The following SEMA4B variants were observed in gnomAD, a reference collection of about 807,000 sequenced individuals.
The protein encoded by SEMA4B is semaphorin 4B.
Under a neutral mutation model 88.1 loss-of-function variants are expected in SEMA4B, and 55 were observed. The observed-to-expected ratio is 0.62, with a 90% CI of 0.50 to 0.78. The LOEUF (loss-of-function observed/expected upper bound fraction) is 0.78. SEMA4B is among the 30% of genes least tolerant of loss of function. SEMA4B has a pLI of 0.00. For synonymous variants in SEMA4B, 525 were observed against 473.6 expected, an observed-to-expected ratio of 1.11 and a Z score of -1.41; for missense variants, 1,062 against 1,111.9, an observed-to-expected ratio of 0.96 and a Z score of 0.64.
intron 1 of SEMA4B, among the ~76,000 whole-genome samples, chr15:90,213,403 C>G (rs1170452440): frequency 3.3e-5 from 5 of 152,236 alleles, no homozygotes; most frequent in South Asian, 2.1e-4. Context: ...CCCTTCACCC[C>G]CCTCTCCAAG....
chr15:90,218,051 C>T, intron 3 of SEMA4B: 1 of 506,340 alleles, frequency 2.0e-6, no homozygotes, highest in South Asian at 2.1e-5. Flanking sequence ...GTGGGCCCAC[C>T]TGTAAAATGG....
intron 1 of SEMA4B, among the ~76,000 whole-genome samples, chr15:90,190,103 G>T (rs546184938): frequency 9.8e-5 from 15 of 152,342 alleles, no homozygotes; most frequent in African/African-American, 3.6e-4. Context: ...AGTCCCTGGT[G>T]TGGTGCCCAC....
rs1962356240 is a variant in SEMA4B at position 90,228,946 on chromosome 15, CT to C, written c.*304del. 2.0e-6 allele frequency: 1 copy of C among 488,984 alleles called. No individual in the cohort carries two copies. The highest frequency in any genetic ancestry group is 2.0e-5 in the African/African-American group (1 of 51,240). 30.3% of individuals were successfully genotyped at this position (488,984 alleles called of 1,614,324 possible). On this transcript the variant is annotated 3_prime_UTR_variant, in exon 14 of 14. Coordinates refer to ENST00000411539, the MANE Select transcript of SEMA4B (RefSeq NM_198925.4). ...TTAAAAAACAATTCCAAATGTGAAA[CT>C]AGAATGAGAGGGAAGAGATAGCATG...
intron 1 of SEMA4B, among the ~76,000 whole-genome samples, chr15:90,202,187 A>G (rs891154252): frequency 2.0e-5 from 3 of 152,234 alleles, no homozygotes; most frequent in African/African-American, 7.2e-5. Flanking sequence ...GTGGGCGGGC[A>G]GGCGCCCGAT....
At chr15:90,197,052 ACC>A (rs1953830829), upstream of SEMA4B, among the ~76,000 whole-genome samples, 1 of 151,876 alleles carries the variant, frequency 6.6e-6, no homozygotes, top group Non-Finnish European at 1.5e-5. Context: ...CCTTACATTC[ACC>A]CAAAGAATCT....
intron 1 of SEMA4B, chr15:90,217,202 G>A (rs1219215999): frequency 2.2e-5 from 9 of 412,722 alleles, no homozygotes; most frequent in Non-Finnish European, 3.9e-5. Flanking sequence ...TTAATGTGAA[G>A]GGTGCCGTAG....
upstream of SEMA4B, among the ~76,000 whole-genome samples, chr15:90,197,748 A>G (rs1473468202): frequency 6.6e-6 from 1 of 150,528 alleles, no homozygotes. Flanking sequence ...TGCTCACCCA[A>G]TATTTTTATC....
Position 90,228,711 on chromosome 15 carries a change from C to T in SEMA4B, c.*68C>T. 6.3e-7 allele frequency: 1 copy of T among 1,588,216 alleles called. No homozygotes were observed. The highest frequency in any genetic ancestry group is 1.1e-5 in the South Asian group (1 of 89,526). ...GAATGCTCGGAGAGGGTCAACTGGA[C>T]CTCCCCTCCGCTCTGCTCTTCGTGG... is the stretch of plus-strand genomic sequence containing the variant. On this transcript the variant is annotated 3_prime_UTR_variant, in exon 14 of 14. Coordinates refer to ENST00000411539, the MANE Select transcript of SEMA4B (RefSeq NM_198925.4).
intron 13 of SEMA4B, 22 bp downstream of exon 13, chr15:90,227,664 TGGA>T (rs1567064005): frequency 2.6e-5 from 42 of 1,612,000 alleles, no homozygotes; most frequent in Non-Finnish European, 3.4e-5. Context: ...CCTCAAAAGG[TGGA>T]GGAGAGAGGT....
chr15:90,227,817 CA>C, intron 13 of SEMA4B, 86 bp from the exon 14 acceptor site: 1 of 1,577,058 alleles, frequency 6.3e-7, no homozygotes, highest in East Asian at 2.3e-5. Flanking sequence ...ATCGTGGCAC[CA>C]GGGGCATAGC....
chr15:90,228,112 G>T lies in SEMA4B; in HGVS notation c.1983G>T (p.Glu661Asp). The change falls in exon 14 of 14, where the codon GAG becomes GAT. Residue 661 changes from glutamate to aspartate, a missense_variant. Transcript: ENST00000411539. Reference protein sequence around the residue: ...LGEFQCWSLEEGFQQLVASYC... With the variant: ...LGEFQCWSLEDGFQQLVASYC... ...AGTTCCAGTGCTGGTCACTAGAGGA[G>T]GGCTTCCAGCAGCTGGTAGCCAGCT... The T allele has an allele frequency of 6.2e-7, 1 of 1,612,034 alleles. No individual in the cohort carries two copies.
chr15:90,201,554 G>A lies in SEMA4B; in HGVS notation c.-25G>A, dbSNP rs921899145. 1 of 1,445,764 alleles carries A rather than the reference G, an allele frequency of 6.9e-7. No homozygotes were observed. The highest frequency in any genetic ancestry group is 1.4e-5 in the South Asian group (1 of 73,876). The allele number at this position is 1,445,764 out of a possible 1,614,324, so 89.6% of individuals were successfully genotyped here. ...CCGAGCCACCTGAGCCCGAGCCGCGGGACACCGTCGCTCCTGCTCTCCGAA... is the reference window on the plus strand; with the variant it reads ...CCGAGCCACCTGAGCCCGAGCCGCGAGACACCGTCGCTCCTGCTCTCCGAA... On this transcript the variant is annotated 5_prime_UTR_variant, in exon 1 of 14. Transcript: ENST00000411539.
chr15:90,210,813 G>A (rs1001900582), intron 1 of SEMA4B, among the ~76,000 whole-genome samples: 8 of 152,160 alleles, frequency 5.3e-5, no homozygotes, highest in Non-Finnish European at 1.2e-4. Flanking sequence ...ACTGCTGAAC[G>A]TGGGGCTGGC....
chr15:90,226,944 A>T (rs183925715), intron 12 of SEMA4B, among the ~76,000 whole-genome samples: 1 of 152,240 alleles, frequency 6.6e-6, no homozygotes, highest in East Asian at 1.9e-4. Context: ...AAAAGATGAG[A>T]ACACATCAAA....
In SEMA4B at chr15:90,229,336, G is replaced by A. The variant is rs1269133226; in HGVS notation, c.*693G>A. ...ACGAGAGGACAGCGCGAGCTCAGGA[G>A]AGATTTCGTGACAATGTACGCCTTT... On this transcript the variant is annotated 3_prime_UTR_variant, in exon 14 of 14. Transcript: ENST00000411539. The A allele has an allele frequency of 2.2e-6, 1 of 456,880 alleles. No homozygotes were observed. The highest frequency in any genetic ancestry group is 4.4e-6 in the Non-Finnish European group (1 of 227,014). The allele number at this position is 456,880 out of a possible 1,614,324, so 28.3% of individuals were successfully genotyped here. A position where few individuals can be genotyped will look rare whatever the true frequency, so the allele number is the denominator to read the frequency against.
chr15:90,216,838 C>A (rs979741560), intron 1 of SEMA4B, among the ~76,000 whole-genome samples: 28 of 149,748 alleles, frequency 1.9e-4, no homozygotes, highest in Admixed American at 1.7e-3. Flanking sequence ...AGCGAGACTT[C>A]GTCTCAAAAA....
At chr15:90,203,817 T>C (rs969242781) in intron 1 of SEMA4B, among the ~76,000 whole-genome samples, 1 of 152,242 alleles carries the variant, frequency 6.6e-6, no homozygotes, top group African/African-American at 2.4e-5. Context: ...TGCTATGTTC[T>C]TGGGGCTAGG....
chr15:90,220,825 G>T (rs542083167), intron 4 of SEMA4B, among the ~76,000 whole-genome samples, 157 bp from the exon 5 acceptor site: 3 of 152,244 alleles, frequency 2.0e-5, no homozygotes, highest in African/African-American at 4.8e-5. Context: ...CCGTGTCCTG[G>T]CTGAGGAGGA....
chr15:90,223,538 C>G, intron 7 of SEMA4B, 21 bp from the exon 8 acceptor site: 4 of 1,553,330 alleles, frequency 2.6e-6, no homozygotes, highest in Non-Finnish European at 3.5e-6. Context: ...CTAAGCCCAG[C>G]CCATCCGACT....
Sources: allele counts gnomAD v4.1 joint callset (sites outside exome capture counted in the v4.1 genomes callset), GRCh38; gene constraint gnomAD v4.1.1; transcripts MANE v1.5; gene names NCBI Gene and HGNC (gene_info 2026-07-23, HGNC 2026-07-21).